NAT10: variants seen among roughly 807,000 people sequenced by gnomAD.
NAT10 encodes N-acetyltransferase 10, also known as RNA cytidine acetyltransferase.
A neutral mutation model predicts 132.2 loss-of-function variants in NAT10; 109 were observed. That is an observed-to-expected ratio of 0.82 (90% CI 0.71 to 0.97). The LOEUF is 0.97. Ranked by LOEUF, NAT10 falls within the 50% of genes least tolerant of loss-of-function variation. The probability of loss-of-function intolerance (pLI) is 0.00; values close to 1 mark genes in which losing one functional copy is unlikely to be tolerated. For missense variants in NAT10, 1,184 were observed against 1,263.4 expected, an observed-to-expected ratio of 0.94 and a Z score of 0.95; for synonymous variants, 479 against 478.0, an observed-to-expected ratio of 1.00 and a Z score of -0.03.
chr11:34,142,525 G>A (rs530460170), intron 27 of NAT10, among the ~76,000 whole-genome samples, 177 bp downstream of exon 27: 2 of 152,312 alleles, frequency 1.3e-5, no homozygotes, highest in Admixed American at 6.5e-5. Context: ...AATTTTGGAA[G>A]AGTTGGGTTC....
chr11:34,117,446 G>A (rs59158919), intron 6 of NAT10, among the ~76,000 whole-genome samples: 12,961 of 152,218 alleles, frequency 0.085, 574 homozygotes, highest in African/African-American at 0.092. Flanking sequence ...GCACAGGACA[G>A]CTCCACACCA....
At chr11:34,117,444 C>G (rs1029362540) in intron 6 of NAT10, among the ~76,000 whole-genome samples, 5 of 152,136 alleles carry the variant, frequency 3.3e-5, no homozygotes, top group Admixed American at 3.3e-4. Flanking sequence ...GTGCACAGGA[C>G]AGCTCCACAC....
chr11:34,116,584 A>AT (rs1448426692), intron 6 of NAT10, among the ~76,000 whole-genome samples: 1 of 149,840 alleles, frequency 6.7e-6, no homozygotes. Flanking sequence ...CACTCGGCTA[A>AT]TTTTTTGTAT....
intron 8 of NAT10, among the ~76,000 whole-genome samples, chr11:34,121,732 C>T (rs1305202328): frequency 1.3e-5 from 2 of 151,396 alleles, no homozygotes; most frequent in African/African-American, 2.4e-5. Flanking sequence ...TGGTGGTGTG[C>T]GCCTGTAATC....
At chr11:34,108,435 CTT>C in intron 2 of NAT10, 102 bp downstream of exon 2, 1 of 961,278 alleles carries the variant, frequency 1.0e-6, no homozygotes, top group Non-Finnish European at 1.6e-6. Context: ...ATTAAGATCT[CTT>C]TGGCTGGTAA....
At chr11:34,142,877 G>A (rs888363554) in intron 27 of NAT10, among the ~76,000 whole-genome samples, 7 of 152,312 alleles carry the variant, frequency 4.6e-5, no homozygotes, top group African/African-American at 1.4e-4. Flanking sequence ...GTGACCTGTA[G>A]TCCTGTTTCT....
At chr11:34,140,958 GC>G (rs1427092304) in intron 24 of NAT10, 130 bp from the exon 25 acceptor site, 2 of 1,221,888 alleles carry the variant, frequency 1.6e-6, no homozygotes, top group Non-Finnish European at 2.3e-6. Context: ...AAGAGAAGAT[GC>G]CAATATACAC....
At chr11:34,141,991 C>A (rs1272616986) in intron 26 of NAT10, 174 bp downstream of exon 26, 2 of 640,708 alleles carry the variant, frequency 3.1e-6, no homozygotes, top group African/African-American at 1.8e-5. Flanking sequence ...TGAGCACACA[C>A]AGGCCTAGAG....
At chr11:34,142,825 G>A (rs1187646911) in intron 27 of NAT10, among the ~76,000 whole-genome samples, 1 of 152,216 alleles carries the variant, frequency 6.6e-6, no homozygotes, top group African/African-American at 2.4e-5. Context: ...TGCCTGGATT[G>A]ATGTGAATAA....
Position 34,115,860 on chromosome 11 carries a change from A to T in NAT10, c.533A>T (p.Asp178Val), listed in dbSNP as rs776714467. Residue 178 changes from aspartate (D) to valine (V), a missense_variant, in exon 6 of 29, where the codon GAT (aspartate) becomes GTT (valine). Physicochemically the swap from Asp to Val is radical, Grantham distance 152. Transcript: ENST00000257829. ...AGGTACAGAACTGAGGCCCATCAGG[A>T]TGTGGTGGGAAGATTTAATGAAAGG... Reference protein sequence around the residue: ...HSRYRTEAHQDVVGRFNERFI... With the variant: ...HSRYRTEAHQVVVGRFNERFI... 18 of 1,613,962 alleles carry T rather than the reference A, an allele frequency of 1.1e-5. No homozygotes were observed. Among genetic ancestry groups the T allele is most frequent in the Non-Finnish European group, 1.5e-5 (18 of 1,179,990 alleles).
chr11:34,124,955 A>G (rs2982587), intron 11 of NAT10, among the ~76,000 whole-genome samples: 130,004 of 152,188 alleles, frequency 0.85, 56,207 homozygotes, highest in East Asian at 1. Flanking sequence ...GCATGAGGTG[A>G]TGGGCTTACA....
In NAT10 at chr11:34,141,194, CGCAA is replaced by C; in HGVS notation, c.2699_2702del (p.Arg900GlnfsTer3). On this transcript the variant is annotated frameshift_variant, in exon 25 of 29. Transcript: ENST00000257829. LOFTEE classifies it high-confidence loss of function. ...GATGGGACTTTTCAACCGGATCATC[CGCAA>C]AGTTGTGAAGGTAACCTCAGCCTGA... The C allele has an allele frequency of 6.2e-7, 1 of 1,613,938 alleles. No individual in the cohort carries two copies. Among genetic ancestry groups the C allele is most frequent in the Non-Finnish European group, 8.5e-7 (1 of 1,179,986 alleles).
Position 34,135,310 on chromosome 11 carries a change from ACCT to A in NAT10, c.2028+23_2028+25del, listed in dbSNP as rs1852189215. On this transcript the variant is annotated intron_variant, in intron 19 of 28. Transcript: ENST00000257829. ...CAGCGAGGTAAGCATCTTTCGACAGACCTCCTGTGTCCTGGTTCTTGGGAGGAT... is the reference window on the plus strand; with the variant it reads ...CAGCGAGGTAAGCATCTTTCGACAGACCTGTGTCCTGGTTCTTGGGAGGAT... 2 of 1,596,134 alleles carry A rather than the reference ACCT, an allele frequency of 1.3e-6. No individual in the cohort carries two copies. Among genetic ancestry groups the A allele is most frequent in the Non-Finnish European group, 1.7e-6 (2 of 1,164,266 alleles).
intron 11 of NAT10, among the ~76,000 whole-genome samples, chr11:34,125,614 C>T (rs1344830316): frequency 6.6e-6 from 1 of 152,158 alleles, no homozygotes; most frequent in Non-Finnish European, 1.5e-5. Context: ...TAGTTTTTCC[C>T]TTGAAGAAGA....
chr11:34,141,277 G>A (rs1169149539), intron 25 of NAT10, 69 bp downstream of exon 25: 7 of 1,602,306 alleles, frequency 4.4e-6, no homozygotes, highest in South Asian at 3.3e-5. Context: ...CCCTGCTCCC[G>A]AGATGAACAC....
At chr11:34,115,174 A>C (rs1851763369) in intron 5 of NAT10, among the ~76,000 whole-genome samples, 1 of 152,212 alleles carries the variant, frequency 6.6e-6, no homozygotes, top group Non-Finnish European at 1.5e-5. Context: ...TAAATAAGTA[A>C]ATAAATTTGA....
chr11:34,134,534 G>T lies in NAT10; in HGVS notation c.1859G>T (p.Gly620Val). 4.3e-6 allele frequency: 7 copies of T among 1,614,170 alleles called. No individual in the cohort carries two copies. The highest frequency in any genetic ancestry group is 5.9e-6 in the Non-Finnish European group (7 of 1,180,026). ...SEQFQDPDFG[G>V]LSGGRVVRIA... is the part of the protein sequence containing the mutation. ...CAGTTCCAAGATCCAGACTTTGGTG[G>T]TCTGTCTGGTGGAAGGGTCGTTCGC... The change falls in exon 18 of 29, where the codon GGT (glycine) becomes GTT (valine). Residue 620 changes from glycine (G) to valine (V), a missense_variant. Physicochemically the swap from Gly to Val is moderately radical, Grantham distance 109. Transcript: ENST00000257829.
chr11:34,133,770 C>T (rs1011554408), intron 16 of NAT10, among the ~76,000 whole-genome samples: 2 of 152,160 alleles, frequency 1.3e-5, no homozygotes, highest in South Asian at 2.1e-4. Flanking sequence ...TAGAGACTCT[C>T]TTCTAATGTG....
chr11:34,111,560 C>A (rs1247605374), intron 3 of NAT10, among the ~76,000 whole-genome samples: 1 of 152,128 alleles, frequency 6.6e-6, no homozygotes, highest in Admixed American at 6.5e-5. Flanking sequence ...TCATTATTGT[C>A]TTATGTAAGA....
Sources: gnomAD v4.1 joint callset for allele counts (sites outside exome capture counted in the v4.1 genomes callset) on GRCh38, gnomAD v4.1.1 for gene constraint, MANE v1.5 for transcripts, NCBI Gene and HGNC (gene_info 2026-07-23, HGNC 2026-07-21) for gene names.